CFAP57: variants seen among roughly 807,000 people sequenced by gnomAD.
CFAP57 encodes the protein cilia- and flagella-associated protein 57.
In CFAP57, 116 loss-of-function variants were observed where a neutral mutation model predicts 146.8. The observed-to-expected ratio is 0.79, with a 90% CI of 0.68 to 0.92. CFAP57 has a LOEUF of 0.92. CFAP57 is among the 40% of genes least tolerant of loss of function. The probability of loss-of-function intolerance (pLI) is 0.00; values close to 1 mark genes in which losing one functional copy is unlikely to be tolerated. For synonymous variants in CFAP57, 518 were observed against 552.8 expected (o/e 0.94, Z 0.88); for missense variants, 1,377 against 1,527.2 (o/e 0.90, Z 1.64).
chr1:43,210,152 C>A (rs1403268555), intron 11 of CFAP57: 7 of 1,588,642 alleles, frequency 4.4e-6, no homozygotes, highest in Admixed American at 3.5e-5. Flanking sequence ...ACAACGTTTT[C>A]ACCATAATAT....
intron 6 of CFAP57, among the ~76,000 whole-genome samples, chr1:43,189,210 TGTTTTGG>T (rs1643345102): frequency 6.6e-6 from 1 of 152,212 alleles, no homozygotes; most frequent in Non-Finnish European, 1.5e-5. Flanking sequence ...TTATCAAGAT[TGTTTTGG>T]GTAGTCTGTG....
At chr1:43,210,240 C>G in intron 11 of CFAP57, 1 of 1,488,988 alleles carries the variant, frequency 6.7e-7, no homozygotes, top group Non-Finnish European at 8.9e-7. Context: ...GCTGCCTCCT[C>G]CTCCAGAGAA....
intron 18 of CFAP57, among the ~76,000 whole-genome samples, chr1:43,228,270 G>A (rs1645333318): frequency 6.6e-6 from 1 of 152,194 alleles, no homozygotes; most frequent in South Asian, 2.1e-4. Context: ...TCCATCTCAG[G>A]ACCTCTGCAG....
intron 11 of CFAP57, chr1:43,210,335 C>T (rs1644548922): frequency 7.2e-7 from 1 of 1,387,134 alleles, no homozygotes; most frequent in African/African-American, 1.5e-5. Flanking sequence ...AGGGGCAATA[C>T]CATGAGTACA....
In CFAP57 at chr1:43,209,827, T is replaced by G; in HGVS notation, c.1840T>G (p.Ser614Ala). ...TGGACGCATGATGTTTGTGGGCACC[T>G]CGGTGGGAACCATTCGTGCCATGAA... The part of the protein sequence containing the change: ...HSGRMMFVGT[S>A]VGTIRAMKYP... Residue 614 changes from serine (S) to alanine (A), a missense_variant, in exon 11 of 23, where the codon TCG becomes GCG. Coordinates refer to ENST00000372492, the MANE Select transcript of CFAP57 (RefSeq NM_001378189.1). 6.2e-7 allele frequency: 1 copy of G among 1,614,200 alleles called. No homozygotes were observed.
At chr1:43,253,865 C>T (rs1646379214) in intron 22 of CFAP57, 112 bp from the exon 23 acceptor site, 2 of 935,626 alleles carry the variant, frequency 2.1e-6, no homozygotes, top group South Asian at 1.6e-5. Context: ...GGATTGAGTG[C>T]TCCACAGTAG....
chr1:43,222,169 C>T lies in CFAP57; in HGVS notation c.2406C>T (p.Ser802=). 1 of 1,547,472 alleles carries T rather than the reference C, an allele frequency of 6.5e-7. No homozygotes were observed. The highest frequency in any genetic ancestry group is 2.5e-5 in the East Asian group (1 of 40,728). The part of the protein sequence containing the change: ...YEKYQELQLK[S]QRMQEEYEKQ... ...AGTACCAGGAGCTGCAGCTCAAGTC[C>T]CAGAGGATGCAGGAAGAGTATGAAA... The change falls in exon 15 of 23, where the codon TCC becomes TCT. Residue 802 remains serine (S), a synonymous_variant. Coordinates refer to ENST00000372492, the MANE Select transcript of CFAP57 (RefSeq NM_001378189.1).
At chr1:43,215,086 T>C (rs777255407) in intron 11 of CFAP57, among the ~76,000 whole-genome samples, 169 bp from the exon 12 acceptor site, 21 of 152,340 alleles carry the variant, frequency 1.4e-4, no homozygotes, top group Non-Finnish European at 2.5e-4. Flanking sequence ...TTCTATTCAT[T>C]AACAGATGCC....
intron 6 of CFAP57, among the ~76,000 whole-genome samples, chr1:43,197,213 C>T (rs972238326): frequency 2.0e-4 from 30 of 151,944 alleles, no homozygotes; most frequent in African/African-American, 6.0e-4. Context: ...AAAAATTAGC[C>T]GGGCATGGTG....
chr1:43,202,382 AAC>A (rs1175184229), intron 9 of CFAP57, among the ~76,000 whole-genome samples: 3 of 152,302 alleles, frequency 2.0e-5, no homozygotes, highest in Admixed American at 2.0e-4. Context: ...GAAATAGACA[AAC>A]CCTTGGCATG....
rs1476377031 is a variant in CFAP57 at position 43,172,821 on chromosome 1, TCTA to T, written c.71_73del (p.Tyr24del). On this transcript the variant is annotated inframe_deletion, in exon 2 of 23. Transcript: ENST00000372492. Reference sequence around the variant, plus strand: ...CGATCCCACGTGGCCAACAATATCTTCTACTTCGATGAACAGATCATTATATTT... The same window carrying T: ...CGATCCCACGTGGCCAACAATATCTTCTTCGATGAACAGATCATTATATTT... The T allele has an allele frequency of 6.2e-7, 1 of 1,614,052 alleles. No individual in the cohort carries two copies. Among genetic ancestry groups the T allele is most frequent in the Non-Finnish European group, 8.5e-7 (1 of 1,180,010 alleles).
rs146986305 is a variant in CFAP57 at position 43,206,851 on chromosome 1, C to G, written c.1674C>G (p.Asn558Lys). The G allele has an allele frequency of 2.5e-6, 4 of 1,614,090 alleles. No individual in the cohort carries two copies. In the African/African-American group the frequency reaches 5.3e-5, roughly 22 times the overall value. ...GCGTGCTCAAGTCTTGCAGCTACAACTGTGTTACTGTCTCCCCCGATGCCA... is the reference window on the plus strand; with the variant it reads ...GCGTGCTCAAGTCTTGCAGCTACAAGTGTGTTACTGTCTCCCCCGATGCCA... ...TECVLKSCSY[N>K]CVTVSPDAKI... The change falls in exon 10 of 23, where the codon AAC (asparagine) becomes AAG (lysine). Residue 558 changes from asparagine (N) to lysine (K), a missense_variant. By Grantham distance (94) the Asn-to-Lys change is moderately conservative. Transcript: ENST00000372492.
In CFAP57 at chr1:43,186,678, T is replaced by C. The variant is rs182988570; in HGVS notation, c.970-29T>C. The C allele has an allele frequency of 3.8e-5, 61 of 1,611,768 alleles. No individual in the cohort carries two copies. The Middle Eastern group carries it at 1.5e-3, about 39-fold the overall frequency. ...GGCCACAATGACAACGTGGGGACAT[T>C]ACTGATAGCTGTTTTGCATTTTGGG... On this transcript the variant is annotated intron_variant, in intron 5 of 22. Coordinates refer to ENST00000372492, the MANE Select transcript of CFAP57 (RefSeq NM_001378189.1).
At chr1:43,210,467 C>G (rs1432757030) in intron 11 of CFAP57, 10 of 1,043,164 alleles carry the variant, frequency 9.6e-6, no homozygotes, top group Middle Eastern at 4.4e-4. Context: ...GATGGTATAT[C>G]TATACAATGG....
intron 15 of CFAP57, 46 bp from the exon 16 acceptor site, chr1:43,222,778 G>T: frequency 6.8e-7 from 1 of 1,480,380 alleles, no homozygotes; most frequent in Non-Finnish European, 9.0e-7. Flanking sequence ...ACAAAGATGT[G>T]TGAGTCCCTT....
Position 43,234,359 on chromosome 1 carries a change from GC to G in CFAP57, c.3208del (p.Leu1070Ter). 1.9e-6 allele frequency: 3 copies of G among 1,550,504 alleles called. No individual in the cohort carries two copies. The highest frequency in any genetic ancestry group is 2.6e-6 in the Non-Finnish European group (3 of 1,146,960). ...CVAYIQEPRL[L>X]KEKVRGLFEK... The stretch of plus-strand genomic sequence containing the variant: ...TAGCCTATATTCAGGAACCGCGGCT[GC>G]TGAAGGAGAAGGTTCGAGGTCTCTT... On this transcript the variant is annotated frameshift_variant, in exon 20 of 23. Coordinates refer to ENST00000372492, the MANE Select transcript of CFAP57 (RefSeq NM_001378189.1). LOFTEE classifies it high-confidence loss of function.
intron 10 of CFAP57, among the ~76,000 whole-genome samples, chr1:43,207,231 A>C (rs901261858): frequency 6.6e-6 from 1 of 152,126 alleles, no homozygotes; most frequent in African/African-American, 2.4e-5. Flanking sequence ...AGGTCATGTC[A>C]TCTCTAAACT....
chr1:43,208,616 G>A (rs1365738804), intron 10 of CFAP57, among the ~76,000 whole-genome samples: 3 of 152,150 alleles, frequency 2.0e-5, no homozygotes, highest in Admixed American at 1.3e-4. Flanking sequence ...GACACAGGGT[G>A]GGGAACACCA....
At chr1:43,226,956 C>T in intron 17 of CFAP57, 27 bp from the exon 18 acceptor site, 3 of 1,476,472 alleles carry the variant, frequency 2.0e-6, no homozygotes, top group African/African-American at 1.4e-5. Flanking sequence ...TACAATATCT[C>T]TCACTTCTCT....
Sources: allele counts gnomAD v4.1 joint callset (sites outside exome capture counted in the v4.1 genomes callset), GRCh38; gene constraint gnomAD v4.1.1; transcripts MANE v1.5; gene names NCBI Gene and HGNC (gene_info 2026-07-23, HGNC 2026-07-21).